The following OR2AT4 variants were observed in gnomAD, a reference collection of about 807,000 sequenced individuals.
OR2AT4 encodes olfactory receptor 2AT4.
OR2AT4 carries 6 observed loss-of-function variants against 10.3 expected under a neutral mutation model. That is an observed-to-expected ratio of 0.58 (90% CI 0.32 to 1.15). The LOEUF (loss-of-function observed/expected upper bound fraction) is 1.15. OR2AT4 is among the 50% of genes most tolerant of loss of function. The pLI is 0.05. For missense variants in OR2AT4, 354 were observed against 393.8 expected (o/e 0.90, Z 0.85); for synonymous variants, 145 against 159.1 (o/e 0.91, Z 0.67).
At chr11:75,088,882 T>C in exon 2 of OR2AT4, 1 of 1,613,914 alleles carries the variant, frequency 6.2e-7, no homozygotes, top group Non-Finnish European at 8.5e-7. Context: ...ACATTGCCCA[T>C]GATATGGAAG....
At chr11:75,092,639 A>G (rs2140280309) in intron 1 of OR2AT4, among the ~76,000 whole-genome samples, 1 of 152,114 alleles carries the variant, frequency 6.6e-6, no homozygotes, top group South Asian at 2.1e-4. Flanking sequence ...TCTGTTTCTG[A>G]TGTTCATCTA....
intron 1 of OR2AT4, among the ~76,000 whole-genome samples, chr11:75,093,276 ATCAGCTACGCTGT>A (rs1949329155): frequency 6.6e-6 from 1 of 152,216 alleles, no homozygotes; most frequent in African/African-American, 2.4e-5. Context: ...CATCTCTCCT[ATCAGCTACGCTGT>A]TCAGCAGGTG....
At chr11:75,088,995 G>A in exon 2 of OR2AT4, 1 of 1,614,186 alleles carries the variant, frequency 6.2e-7, no homozygotes, top group Non-Finnish European at 8.5e-7. Context: ...GAAGGCTTTT[G>A]CCCGTCCTTC....
At chr11:75,087,504 C>A (rs905000741) in exon 2 of OR2AT4, 2 of 152,168 alleles carry the variant, frequency 1.3e-5, no homozygotes, top group African/African-American at 4.8e-5. Flanking sequence ...GGGAGGATCA[C>A]TTGAGCCCTA....
chr11:75,088,784 C>T lies in OR2AT4; in HGVS notation c.930G>A (p.Met310Ile), dbSNP rs758883856. ...TCCTGTCACAGCCTGGGTCTTGAGA[C>T]ATGATTTTGGTGATGGCTGCCTTTA... Residue 310 changes from methionine (M) to isoleucine (I), a missense_variant, in exon 2 of 2, where the codon ATG becomes ATA. By Grantham distance (10) the Met-to-Ile change is conservative. Coordinates refer to ENST00000641504, the Ensembl canonical transcript of OR2AT4. 6.3e-7 allele frequency: 1 copy of T among 1,582,326 alleles called. No homozygotes were observed. The highest frequency in any genetic ancestry group is 1.2e-5 in the South Asian group (1 of 84,572).
Position 75,088,752 on chromosome 11 carries a change from C to T in OR2AT4, c.962G>A (p.Ter321=), listed in dbSNP as rs1949301566. ...AGCAGAGTTAGCTGCATTTAAAGGT[C>T]AAATGCTCCTGTCACAGCCTGGGTC... is the stretch of plus-strand genomic sequence containing the variant. Residue 321 remains the stop codon, a stop_retained_variant, in exon 2 of 2, where the codon TGA becomes TAA. Coordinates refer to ENST00000641504, the Ensembl canonical transcript of OR2AT4. The T allele has an allele frequency of 3.9e-6, 6 of 1,553,096 alleles. No individual in the cohort carries two copies. The East Asian group carries it at 1.4e-4, about 35-fold the overall frequency.
chr11:75,084,373 T>C (rs1949280197), exon 2 of OR2AT4: 1 of 152,094 alleles, frequency 6.6e-6, no homozygotes, highest in African/African-American at 2.4e-5. Flanking sequence ...TACAAACTGG[T>C]GAAATTGAAG....
At chr11:75,095,677 CTTT>C (rs11314522) in intron 1 of OR2AT4, among the ~76,000 whole-genome samples, 3 of 127,828 alleles carry the variant, frequency 2.3e-5, no homozygotes, top group African/African-American at 3.0e-5. Flanking sequence ...CACCTAACCT[CTTT>C]TTTTTTTTTT....
chr11:75,088,989 G>C lies in OR2AT4; in HGVS notation c.725C>G (p.Ala242Gly), dbSNP rs75640606. 922 of 1,614,184 alleles carry C rather than the reference G, an allele frequency of 5.7e-4. 3 individuals are homozygous for C. In the African/African-American group the frequency reaches 0.011, roughly 19 times the overall value. ...AAGGTGGGAGCTGCAGGTGGAGAAG[G>C]CTTTTGCCCGTCCTTCTAGGGAACT... The change falls in exon 2 of 2, where the codon GCC becomes GGC. Residue 242 changes from alanine to glycine, a missense_variant. Coordinates refer to ENST00000641504, the Ensembl canonical transcript of OR2AT4.
intron 1 of OR2AT4, among the ~76,000 whole-genome samples, chr11:75,093,319 T>G (rs1949329256): frequency 6.6e-6 from 1 of 152,212 alleles, no homozygotes; most frequent in Non-Finnish European, 1.5e-5. Flanking sequence ...AACCATTTCA[T>G]TATCACTATC....
At chr11:75,093,810 CTTTTTTTTTTTTTTTTTTTTTTT>C (rs556380402) in intron 1 of OR2AT4, among the ~76,000 whole-genome samples, 86 of 61,838 alleles carry the variant, frequency 1.4e-3, no homozygotes, top group African/African-American at 5.8e-3. Context: ...TTTTCTTTTT[CTTTTTTTTTTTTTTTTTTTTTTT>C]TTTTTTGAGA....
exon 2 of OR2AT4, chr11:75,082,658 G>T (rs1282555026): frequency 6.6e-6 from 1 of 152,068 alleles, no homozygotes; most frequent in Non-Finnish European, 1.5e-5. Context: ...AAGAATTTAT[G>T]ACTAAGTCCT....
exon 2 of OR2AT4, chr11:75,085,861 C>G (rs1051915026): frequency 6.6e-6 from 1 of 151,882 alleles, no homozygotes; most frequent in Non-Finnish European, 1.5e-5. Flanking sequence ...TATCAAAAAG[C>G]AAAGGAACTA....
intron 1 of OR2AT4, chr11:75,096,281 G>A (rs1949348403): frequency 6.6e-6 from 1 of 152,186 alleles, no homozygotes; most frequent in Non-Finnish European, 1.5e-5. Context: ...AGCCTCTTAG[G>A]AAGGAGAGCA....
At chr11:75,089,154 A>C (rs1949307001) in exon 2 of OR2AT4, 2 of 1,614,054 alleles carry the variant, frequency 1.2e-6, no homozygotes, top group African/African-American at 2.7e-5. Flanking sequence ...GACCACAGCC[A>C]GATGATCACA....
At chr11:75,082,965 G>A (rs1949273287) in exon 2 of OR2AT4, 1 of 151,862 alleles carries the variant, frequency 6.6e-6, no homozygotes, top group South Asian at 2.1e-4. Context: ...TGTAGCTCCA[G>A]CTACTCGGGA....
chr11:75,094,342 G>A (rs991130338), intron 1 of OR2AT4, among the ~76,000 whole-genome samples: 1 of 152,106 alleles, frequency 6.6e-6, no homozygotes, highest in Non-Finnish European at 1.5e-5. Flanking sequence ...CATATATTTG[G>A]CTGATATTGT....
chr11:75,082,367 G>T (rs911552068), exon 2 of OR2AT4: 2 of 151,996 alleles, frequency 1.3e-5, no homozygotes, highest in Non-Finnish European at 2.9e-5. Flanking sequence ...GAGTTAGTGG[G>T]TGCAGCACAC....
At chr11:75,090,388 G>A (rs1268082040) in intron 1 of OR2AT4, 24 bp from the exon 2 acceptor site, 4 of 152,244 alleles carry the variant, frequency 2.6e-5, no homozygotes, top group Non-Finnish European at 5.9e-5. Context: ...AATAGACCAT[G>A]ATAGCCCAAC....
Sources: gnomAD v4.1 joint callset for allele counts (sites outside exome capture counted in the v4.1 genomes callset) on GRCh38, gnomAD v4.1.1 for gene constraint, MANE v1.5 for transcripts, NCBI Gene and HGNC (gene_info 2026-07-23, HGNC 2026-07-21) for gene names.